PXDN: variants seen among roughly 807,000 people sequenced by gnomAD.
PXDN encodes the protein peroxidasin, also known as peroxidasin homolog.
Under a neutral mutation model 140.3 loss-of-function variants are expected in PXDN, and 77 were observed. That is an observed-to-expected ratio of 0.55 (90% CI 0.46 to 0.66). The LOEUF is 0.66. Ranked by LOEUF, PXDN falls within the 30% of genes least tolerant of loss-of-function variation. PXDN has a pLI of 0.00. For synonymous variants in PXDN, 911 were observed against 857.4 expected (o/e 1.06, Z -1.09); for missense variants, 1,838 against 2,039.5 (o/e 0.90, Z 1.90).
chr2:1,743,684 GGGA>G (rs751610649), intron 1 of PXDN, among the ~76,000 whole-genome samples: 25,248 of 65,774 alleles, frequency 0.38, 5,585 homozygotes, highest in East Asian at 0.51. Flanking sequence ...GAGGAGGAAG[GGGA>G]GGAGGAGGAG....
rs545974035 is a variant in PXDN, at chr2:1,741,444, A to T, written c.200+2812T>A. Among the ~76,000 whole-genome samples, 7 of 152,294 alleles carry T rather than the reference A, an allele frequency of 4.6e-5. No homozygotes were observed. The South Asian group carries it at 1.5e-3, about 32-fold the overall frequency. ...GCAGCACAGGGCGCGGGCTCCTGCC[A>T]TTCCAGAGCTCCCTTCACACTTGCA... On this transcript the variant is annotated intron_variant, in intron 1 of 22. Transcript: ENST00000252804.
chr2:1,702,298 A>AC (rs934881055), intron 1 of PXDN, among the ~76,000 whole-genome samples: 7 of 151,694 alleles, frequency 4.6e-5, no homozygotes, highest in Non-Finnish European at 8.8e-5. Context: ...GCCAGGTGCC[A>AC]CCCCCCCAAC....
At chr2:1,705,319 G>A (rs1408927510) in intron 1 of PXDN, among the ~76,000 whole-genome samples, 2 of 152,204 alleles carry the variant, frequency 1.3e-5, no homozygotes, top group African/African-American at 2.4e-5. Context: ...AATGTAGGAG[G>A]CAGCCATGTG....
chr2:1,655,340 C>G (rs1183062814), intron 14 of PXDN, among the ~76,000 whole-genome samples: 1 of 150,952 alleles, frequency 6.6e-6, no homozygotes, highest in Non-Finnish European at 1.5e-5. Flanking sequence ...ACATACCACA[C>G]ACACACCACA....
At chr2:1,731,545 G>A (rs1025979228) in intron 1 of PXDN, among the ~76,000 whole-genome samples, 2 of 152,168 alleles carry the variant, frequency 1.3e-5, no homozygotes, top group African/African-American at 4.8e-5. Flanking sequence ...GGCACAGCTG[G>A]GATCCTTGGG....
At chr2:1,658,602 G>A (rs1459567124) in intron 14 of PXDN, among the ~76,000 whole-genome samples, 3 of 151,976 alleles carry the variant, frequency 2.0e-5, no homozygotes, top group Admixed American at 2.0e-4. Flanking sequence ...TTCATCCACA[G>A]CCCAAGCCAA....
At chr2:1,680,151 G>GGTGTGTGTGTACATT in intron 7 of PXDN, 42 bp downstream of exon 7, 1 of 1,508,310 alleles carries the variant, frequency 6.6e-7, no homozygotes, top group Non-Finnish European at 8.9e-7. Context: ...GTGTGTAGAT[G>GGTGTGTGTGTACATT]GTGTGAGTGT....
chr2:1,666,770 A>G (rs555929435), intron 9 of PXDN, among the ~76,000 whole-genome samples: 3 of 152,328 alleles, frequency 2.0e-5, no homozygotes, highest in East Asian at 3.9e-4. Flanking sequence ...GCCGAACTCC[A>G]TGGAGGTTTC....
intron 21 of PXDN, among the ~76,000 whole-genome samples, chr2:1,638,420 G>A (rs12714330): frequency 0.85 from 129,502 of 151,834 alleles, 56,048 homozygotes; most frequent in East Asian, 1. Flanking sequence ...CCTCACACCC[G>A]GAGAGGCTGG....
intron 16 of PXDN, among the ~76,000 whole-genome samples, chr2:1,652,302 A>C (rs929860721): frequency 2.0e-5 from 3 of 152,128 alleles, no homozygotes; most frequent in Non-Finnish European, 4.4e-5. Flanking sequence ...GCAAGAAATT[A>C]CACTTAGTAA....
Position 1,648,876 on chromosome 2 carries a change from G to T in PXDN, c.2904C>A (p.Ile968=). 3 of 1,602,638 alleles carry T rather than the reference G, an allele frequency of 1.9e-6. No individual in the cohort carries two copies. Among genetic ancestry groups the T allele is most frequent in the Non-Finnish European group, 2.5e-6 (3 of 1,177,514 alleles). The change falls in exon 17 of 23, where the codon ATC becomes ATA. Residue 968 remains isoleucine, a synonymous_variant. Transcript: ENST00000252804. The surrounding 1 kb of genome is among the most constrained non-coding windows in gnomAD (Gnocchi z 8.9). ...GGTGGTCCCCGGCCAGGAAGCAGGG[G>T]ATGGGGCTCTCGTTCTCGTCCCGCA... is the stretch of plus-strand genomic sequence containing the variant. ...ECMRDENESP[I]PCFLAGDHRA... is the part of the protein sequence containing the mutation.
chr2:1,718,726 C>G (rs76774611), intron 1 of PXDN, among the ~76,000 whole-genome samples: 4 of 152,256 alleles, frequency 2.6e-5, no homozygotes, highest in Non-Finnish European at 2.9e-5. Context: ...GGTCCCTTTA[C>G]GGCTGCTGGA....
At chr2:1,677,627 G>A (rs1683754214) in intron 7 of PXDN, among the ~76,000 whole-genome samples, 1 of 151,118 alleles carries the variant, frequency 6.6e-6, no homozygotes, top group African/African-American at 2.5e-5. Flanking sequence ...AGGGCCACCC[G>A]AGGGCTGACG....
At position 1,660,824 on chromosome 2, in the gene PXDN, C is replaced by A. The variant is rs533769620; in HGVS notation, c.1837+57G>T. The A allele has an allele frequency of 1.6e-4, 243 of 1,564,052 alleles. 1 individual carries two copies. The South Asian group carries it at 2.7e-3, about 17-fold the overall frequency. ...AACTGGCCTGGGACCACACTAGGGA[C>A]CTGCGGGCTTTCTTTGTGGATACCA... On this transcript the variant is annotated intron_variant, in intron 14 of 22. Coordinates refer to ENST00000252804, the MANE Select transcript of PXDN (RefSeq NM_012293.3). The surrounding 1 kb of genome is among the most constrained non-coding windows in gnomAD (Gnocchi z 4.6).
intron 1 of PXDN, among the ~76,000 whole-genome samples, chr2:1,701,554 T>C (rs1684429805): frequency 6.6e-6 from 1 of 152,018 alleles, no homozygotes; most frequent in African/African-American, 2.4e-5. Context: ...TGCCCCTTAC[T>C]TCCCCTGCGG....
chr2:1,731,152 G>GCACACACACACACA (rs72079011), intron 1 of PXDN, among the ~76,000 whole-genome samples: 4 of 135,968 alleles, frequency 2.9e-5, no homozygotes, highest in African/African-American at 1.1e-4. Context: ...GAGCGCGCGC[G>GCACACACACACACA]CACACACACA....
chr2:1,725,230 T>C (rs563417263), intron 1 of PXDN, among the ~76,000 whole-genome samples: 2 of 152,216 alleles, frequency 1.3e-5, no homozygotes, highest in Non-Finnish European at 2.9e-5. Context: ...CTTTACTAAA[T>C]TTATTAGTTC....
chr2:1,719,988 CAGAGAGAGAGGGAGGGGAGGGATGTAGAG>C (rs1684988373), intron 1 of PXDN, among the ~76,000 whole-genome samples: 1 of 42,280 alleles, frequency 2.4e-5, no homozygotes, highest in Non-Finnish European at 4.1e-5. Context: ...GGGAGGGATG[CAGAGAGAGAGGGAGGGGAGGGATGTAGAG>C]AGAGAGAGAG....
chr2:1,639,937 T>C lies in PXDN; in HGVS notation c.3953-515A>G, dbSNP rs948573997. On this transcript the variant is annotated intron_variant, in intron 19 of 22. Coordinates refer to ENST00000252804, the MANE Select transcript of PXDN (RefSeq NM_012293.3). The surrounding 1 kb of genome is among the most constrained non-coding windows in gnomAD (Gnocchi z 5.0). The stretch of plus-strand genomic sequence containing the variant: ...GCCCAAACACCTCCCTGCCTAGGAG[T>C]GGCTTCCTTCTCAACCTGTGGTGGA... 2.3e-4 allele frequency among the ~76,000 whole-genome samples: 35 copies of C among 152,162 alleles called. No individual in the cohort carries two copies. The highest frequency in any genetic ancestry group is 8.2e-4 in the African/African-American group (34 of 41,442).
Sources: gnomAD v4.1 joint callset for allele counts (sites outside exome capture counted in the v4.1 genomes callset) on GRCh38, gnomAD v4.1.1 for gene constraint, Gnocchi (gnomAD v3.1) non-coding constraint, MANE v1.5 for transcripts, NCBI Gene and HGNC (gene_info 2026-07-23, HGNC 2026-07-21) for gene names.